DIAPH3: variants seen among roughly 807,000 people sequenced by gnomAD.
DIAPH3 encodes the protein diaphanous related formin 3.
A neutral mutation model predicts 144.3 loss-of-function variants in DIAPH3; 117 were observed. The observed-to-expected ratio is 0.81, with a 90% CI of 0.70 to 0.95. The LOEUF is 0.95. DIAPH3 is among the 40% of genes least tolerant of loss of function. The pLI is 0.00. For synonymous variants in DIAPH3, 519 were observed against 488.9 expected, an observed-to-expected ratio of 1.06 and a Z score of -0.81; for missense variants, 1,421 against 1,412.7, an observed-to-expected ratio of 1.01 and a Z score of -0.09.
At chr13:59,808,022 G>T (rs2040282336) in intron 25 of DIAPH3, among the ~76,000 whole-genome samples, 1 of 151,062 alleles carries the variant, frequency 6.6e-6, no homozygotes, top group South Asian at 2.1e-4. Context: ...TATGATTAAG[G>T]GAAGATTATA....
chr13:59,912,868 T>C (rs1287929689), intron 19 of DIAPH3, among the ~76,000 whole-genome samples: 1 of 152,118 alleles, frequency 6.6e-6, no homozygotes. Flanking sequence ...GATCAAAGAA[T>C]AAGTTATTGA....
chr13:59,840,704 C>T (rs1251156885), intron 22 of DIAPH3, among the ~76,000 whole-genome samples: 10 of 151,922 alleles, frequency 6.6e-5, no homozygotes, highest in Admixed American at 3.3e-4. Context: ...TGAACTCTTC[C>T]GAGAACCACA....
At chr13:59,671,844 C>G (rs1776937035) in intron 27 of DIAPH3, among the ~76,000 whole-genome samples, 1 of 152,086 alleles carries the variant, frequency 6.6e-6, no homozygotes, top group African/African-American at 2.4e-5. Flanking sequence ...AGCTGAATGC[C>G]TCTTAAATAC....
Position 59,728,064 on chromosome 13 carries a change from AT to A in DIAPH3, c.3319+46124del, listed in dbSNP as rs1388276237. ...CCTTACTAGACCAGTCTGACAGGGC[AT>A]CAAAAAAAAAAACAGGGCATCAAAA... On this transcript the variant is annotated intron_variant, in intron 27 of 27. Coordinates refer to ENST00000400324, the MANE Select transcript of DIAPH3 (RefSeq NM_001042517.2). 4.1e-3 allele frequency among the ~76,000 whole-genome samples: 53 copies of A among 12,892 alleles called. 1 individual carries two copies. The highest frequency in any genetic ancestry group is 4.8e-3 in the Non-Finnish European group (5 of 1,052). 8.5% of individuals were successfully genotyped at this position (12,892 alleles called of 152,430 possible).
chr13:59,962,251 AC>A (rs1320742889), intron 17 of DIAPH3, among the ~76,000 whole-genome samples: 6 of 152,334 alleles, frequency 3.9e-5, no homozygotes, highest in Admixed American at 3.9e-4. Context: ...AAAGAAGTGG[AC>A]CCTTTCTCAA....
At chr13:60,000,342 G>A (rs1035031313) in intron 9 of DIAPH3, among the ~76,000 whole-genome samples, 28 of 151,924 alleles carry the variant, frequency 1.8e-4, no homozygotes, top group African/African-American at 6.8e-4. Context: ...CAATGTGAAT[G>A]TGTTTAATGT....
intron 4 of DIAPH3, among the ~76,000 whole-genome samples, chr13:60,063,713 G>C (rs918893931): frequency 3.9e-5 from 6 of 152,200 alleles, no homozygotes; most frequent in Admixed American, 1.3e-4. Flanking sequence ...GATCACCTGA[G>C]GTCAGGAGTT....
intron 24 of DIAPH3, among the ~76,000 whole-genome samples, chr13:59,814,222 C>T (rs919346686): frequency 6.6e-6 from 1 of 152,048 alleles, no homozygotes; most frequent in Non-Finnish European, 1.5e-5. Context: ...GATATAATTG[C>T]CACACCCTTT....
At chr13:59,973,920 T>C (rs1258927276) in intron 15 of DIAPH3, among the ~76,000 whole-genome samples, 1 of 152,116 alleles carries the variant, frequency 6.6e-6, no homozygotes, top group Non-Finnish European at 1.5e-5. Flanking sequence ...CTTTGGAAAT[T>C]GAAAAATTAT....
chr13:60,066,855 T>C (rs2056988105), intron 4 of DIAPH3, among the ~76,000 whole-genome samples: 1 of 152,248 alleles, frequency 6.6e-6, no homozygotes. Context: ...TCAATCTGAT[T>C]TCATACATAT....
intron 3 of DIAPH3, among the ~76,000 whole-genome samples, chr13:60,103,559 C>T (rs916976115): frequency 3.3e-5 from 5 of 151,964 alleles, no homozygotes; most frequent in Admixed American, 2.0e-4. Flanking sequence ...TTATAATGGA[C>T]CAATAAGCAT....
chr13:59,961,339 C>T (rs1401697985), intron 17 of DIAPH3, among the ~76,000 whole-genome samples: 1 of 152,106 alleles, frequency 6.6e-6, no homozygotes, highest in Non-Finnish European at 1.5e-5. Context: ...GTATTATGTC[C>T]CCCATTTTAT....
At chr13:59,823,710 G>T (rs1593558424) in intron 24 of DIAPH3, among the ~76,000 whole-genome samples, 1 of 152,032 alleles carries the variant, frequency 6.6e-6, no homozygotes, top group Non-Finnish European at 1.5e-5. Flanking sequence ...TGATCTAGTT[G>T]GTCCACACAG....
At chr13:59,703,575 C>T (rs1315616534) in intron 27 of DIAPH3, among the ~76,000 whole-genome samples, 4 of 151,990 alleles carry the variant, frequency 2.6e-5, no homozygotes, top group African/African-American at 7.2e-5. Context: ...TTGTATTTTT[C>T]GGTTCTAGAA....
intron 7 of DIAPH3, among the ~76,000 whole-genome samples, chr13:60,013,713 C>T (rs2053436780): frequency 6.6e-6 from 1 of 151,980 alleles, no homozygotes; most frequent in Non-Finnish European, 1.5e-5. Flanking sequence ...CCTCTTAAAA[C>T]TTATATTTTC....
chr13:60,095,686 C>CA (rs1270529150), intron 3 of DIAPH3, among the ~76,000 whole-genome samples: 1 of 151,760 alleles, frequency 6.6e-6, no homozygotes, highest in Non-Finnish European at 1.5e-5. Context: ...GACTAGAAAA[C>CA]ATGTTCTGCC....
chr13:59,719,546 AC>A (rs1397785530), intron 27 of DIAPH3, among the ~76,000 whole-genome samples: 1 of 151,978 alleles, frequency 6.6e-6, no homozygotes, highest in African/African-American at 2.4e-5. Flanking sequence ...CTATTGGAGA[AC>A]ACATTCCAGG....
intron 25 of DIAPH3, among the ~76,000 whole-genome samples, chr13:59,780,085 T>A (rs2038658495): frequency 6.6e-6 from 1 of 152,036 alleles, no homozygotes; most frequent in South Asian, 2.1e-4. Context: ...TGTGCCAGGA[T>A]GTTACTAGGC....
At chr13:59,850,133 G>T (rs545965450) in intron 22 of DIAPH3, among the ~76,000 whole-genome samples, 280 of 152,054 alleles carry the variant, frequency 1.8e-3, no homozygotes, top group African/African-American at 6.3e-3. Context: ...TGTTGTTGGT[G>T]TATAAGAATG....
Sources: gnomAD v4.1 joint callset for allele counts (sites outside exome capture counted in the v4.1 genomes callset) on GRCh38, gnomAD v4.1.1 for gene constraint, MANE v1.5 for transcripts, NCBI Gene and HGNC (gene_info 2026-07-23, HGNC 2026-07-21) for gene names.